The following OLA1 variants were observed in gnomAD, a reference collection of about 807,000 sequenced individuals.
OLA1 encodes the protein Obg like ATPase 1.
OLA1 carries 14 observed loss-of-function variants against 48.4 expected under a neutral mutation model. The observed-to-expected ratio is 0.29, with a 90% CI of 0.19 to 0.45. The LOEUF (loss-of-function observed/expected upper bound fraction) is 0.45, where lower values mean the gene tolerates loss of function less well. Ranked by LOEUF, OLA1 falls within the 20% of genes least tolerant of loss-of-function variation. The probability of loss-of-function intolerance (pLI) is 1.00; values close to 1 mark genes in which losing one functional copy is unlikely to be tolerated. For synonymous variants in OLA1, 127 were observed against 150.4 expected (o/e 0.84, Z 1.14); for missense variants, 325 against 467.1 (o/e 0.70, Z 2.80).
intron 4 of OLA1, among the ~76,000 whole-genome samples, chr2:174,146,052 G>A (rs1453066532): frequency 1.3e-5 from 2 of 152,204 alleles, no homozygotes; most frequent in Non-Finnish European, 2.9e-5. Flanking sequence ...GGATCTGAGG[G>A]AAGAGGGTTC....
chr2:174,242,835 A>G (rs1396439942), intron 2 of OLA1, among the ~76,000 whole-genome samples: 2 of 152,186 alleles, frequency 1.3e-5, no homozygotes, highest in African/African-American at 2.4e-5. Context: ...ACAGGAGCTC[A>G]TTTATAAAGG....
chr2:174,092,313 C>T (rs905522092), intron 7 of OLA1, among the ~76,000 whole-genome samples: 1 of 151,946 alleles, frequency 6.6e-6, no homozygotes, highest in Non-Finnish European at 1.5e-5. Context: ...AATGTTGGAT[C>T]AGTGAATATG....
chr2:174,076,795 T>G (rs1362106719), intron 10 of OLA1, among the ~76,000 whole-genome samples: 1 of 134,160 alleles, frequency 7.5e-6, no homozygotes, highest in Non-Finnish European at 1.6e-5. Flanking sequence ...ATATTTCATA[T>G]ATATGACACA....
chr2:174,144,939 A>ATATAT (rs1318022287), intron 4 of OLA1, among the ~76,000 whole-genome samples: 3 of 56,356 alleles, frequency 5.3e-5, no homozygotes, highest in South Asian at 9.5e-4. Flanking sequence ...TTAAAAAAAA[A>ATATAT]AAAAAAAAAA....
intron 10 of OLA1, among the ~76,000 whole-genome samples, chr2:174,075,912 G>T (rs528851531): frequency 2.6e-5 from 4 of 152,272 alleles, no homozygotes; most frequent in African/African-American, 9.6e-5. Flanking sequence ...TATATAACTA[G>T]TTAAAAGCTG....
intron 2 of OLA1, among the ~76,000 whole-genome samples, chr2:174,238,494 CAAAAAAAA>C (rs34395720): frequency 1.9e-5 from 2 of 106,684 alleles, no homozygotes; most frequent in Admixed American, 9.9e-5. Context: ...ACTCTATGTC[CAAAAAAAA>C]AAAAAAAAAA....
At chr2:174,144,944 A>AT (rs1558975081) in intron 4 of OLA1, among the ~76,000 whole-genome samples, 806 of 75,624 alleles carry the variant, frequency 0.011, 3 homozygotes, top group Non-Finnish European at 0.017. Context: ...AAAAAAAAAA[A>AT]AAAAAAAATA....
intron 7 of OLA1, among the ~76,000 whole-genome samples, chr2:174,105,927 A>C (rs550221136): frequency 6.6e-6 from 1 of 152,186 alleles, no homozygotes; most frequent in East Asian, 1.9e-4. Flanking sequence ...GGCAACAATT[A>C]AGCTAGGTAC....
chr2:174,238,402 G>A (rs1291203024), intron 2 of OLA1, among the ~76,000 whole-genome samples: 3 of 151,264 alleles, frequency 2.0e-5, no homozygotes, highest in African/African-American at 7.3e-5. Flanking sequence ...GCTGAGGCAG[G>A]AGAATCACTT....
rs562955531 is a variant in OLA1, at chr2:174,140,876, CTG to C, written c.549+947_549+948del. ...TGGGGGTAACCTGCTCATTTACATACTGTGTGTTGGTTACTTTCTCTTACTAG... is the reference window on the plus strand; with the variant it reads ...TGGGGGTAACCTGCTCATTTACATACTGTGTTGGTTACTTTCTCTTACTAG... On this transcript the variant is annotated intron_variant, in intron 5 of 10. Coordinates refer to ENST00000284719, the MANE Select transcript of OLA1 (RefSeq NM_013341.5). 1.0e-3 allele frequency among the ~76,000 whole-genome samples: 156 copies of C among 152,154 alleles called. 1 individual carries two copies. The highest frequency in any genetic ancestry group is 3.5e-3 in the African/African-American group (144 of 41,532).
chr2:174,184,585 G>A (rs915139176), intron 4 of OLA1, among the ~76,000 whole-genome samples: 2 of 152,196 alleles, frequency 1.3e-5, no homozygotes, highest in Admixed American at 6.5e-5. Flanking sequence ...TGACATTAGT[G>A]AAACTGGTGA....
intron 7 of OLA1, among the ~76,000 whole-genome samples, chr2:174,085,423 G>A (rs1684948060): frequency 1.3e-5 from 2 of 152,154 alleles, no homozygotes; most frequent in African/African-American, 4.8e-5. Context: ...AAGGGATCCA[G>A]GTTGTGCGCT....
At chr2:174,110,459 T>C (rs1253693497) in intron 7 of OLA1, among the ~76,000 whole-genome samples, 3 of 151,736 alleles carry the variant, frequency 2.0e-5, no homozygotes, top group Non-Finnish European at 4.4e-5. Context: ...GCCAATTTTT[T>C]TTTGAGACAG....
At chr2:174,244,311 C>A (rs1362756574) in intron 2 of OLA1, among the ~76,000 whole-genome samples, 1 of 152,196 alleles carries the variant, frequency 6.6e-6, no homozygotes, top group Non-Finnish European at 1.5e-5. Context: ...GTGAATTTTA[C>A]TATTTGTGAA....
chr2:174,089,888 C>T (rs1270551618), intron 7 of OLA1, among the ~76,000 whole-genome samples: 5 of 135,926 alleles, frequency 3.7e-5, no homozygotes, highest in Non-Finnish European at 6.1e-5. Context: ...TGCGACAGGG[C>T]GAGACCCTGT....
chr2:174,108,246 G>GAAAAAT (rs1367937737), intron 7 of OLA1, among the ~76,000 whole-genome samples: 1 of 151,884 alleles, frequency 6.6e-6, no homozygotes, highest in East Asian at 1.9e-4. Flanking sequence ...TGCTAGGGAA[G>GAAAAAT]AAAAATAAAA....
At chr2:174,241,258 A>G (rs1391260069) in intron 2 of OLA1, among the ~76,000 whole-genome samples, 6 of 152,216 alleles carry the variant, frequency 3.9e-5, no homozygotes, top group Admixed American at 1.3e-4. Context: ...AGGGATCCCA[A>G]TGAGACTGGC....
At chr2:174,247,615 T>G (rs977302475) in intron 1 of OLA1, 2 of 1,548,688 alleles carry the variant, frequency 1.3e-6, no homozygotes, top group Admixed American at 3.9e-5. Flanking sequence ...TAATCTGGAA[T>G]CTTATCTTTC....
At chr2:174,156,571 C>T (rs902599940) in intron 4 of OLA1, among the ~76,000 whole-genome samples, 2 of 146,854 alleles carry the variant, frequency 1.4e-5, no homozygotes, top group African/African-American at 2.5e-5. Context: ...TTGTTTGCTC[C>T]CACACTCTTT....
Sources: gnomAD v4.1 joint callset for allele counts (sites outside exome capture counted in the v4.1 genomes callset) on GRCh38, gnomAD v4.1.1 for gene constraint, MANE v1.5 for transcripts, NCBI Gene and HGNC (gene_info 2026-07-23, HGNC 2026-07-21) for gene names.